Variants in DOCK9 observed in about 807,000 individuals in gnomAD.
DOCK9 encodes dedicator of cytokinesis 9.
In DOCK9, 89 loss-of-function variants were observed where a neutral mutation model predicts 263.3. That is an observed-to-expected ratio of 0.34 (90% confidence interval 0.28 to 0.40). The LOEUF (loss-of-function observed/expected upper bound fraction) is 0.40. Among genes scored for constraint, DOCK9 ranks in the 10% least tolerant of loss-of-function variants. DOCK9 has a pLI of 1.00. For missense variants in DOCK9, 2,140 were observed against 2,603.4 expected, an observed-to-expected ratio of 0.82 and a Z score of 3.87; for synonymous variants, 976 against 973.1, an observed-to-expected ratio of 1.00 and a Z score of -0.06.
chr13:98,803,696 G>T (rs1207127642), intron 49 of DOCK9, among the ~76,000 whole-genome samples: 2 of 151,938 alleles, frequency 1.3e-5, no homozygotes, highest in Non-Finnish European at 2.9e-5. Context: ...GCAGTTATTT[G>T]GCTTAATGAG....
Position 98,796,967 on chromosome 13 carries a change from G to A in DOCK9, c.6156+148C>T, listed in dbSNP as rs113876789. 196 of 812,012 alleles carry A rather than the reference G, an allele frequency of 2.4e-4. No homozygotes were observed. The African/African-American group carries it at 2.8e-3, about 12-fold the overall frequency. 50.3% of individuals were successfully genotyped at this position (812,012 alleles called of 1,614,324 possible). A position where few individuals can be genotyped will look rare whatever the true frequency, so the allele number is the denominator to read the frequency against. On this transcript the variant is annotated intron_variant, in intron 52 of 52. Coordinates refer to ENST00000682017, the MANE Select transcript of DOCK9 (RefSeq NM_001366683.2). ...TGTTAGCTGTTCCCAAATGACCTGG[G>A]GCTAGAGCATGGCAGGAGTGTGGTA...
chr13:98,882,959 G>T, intron 23 of DOCK9, 83 bp downstream of exon 23: 1 of 1,163,292 alleles, frequency 8.6e-7, no homozygotes, highest in Non-Finnish European at 1.2e-6. Context: ...TCCAAGGGGT[G>T]AGAACACCAC....
At chr13:98,848,696 CG>C in intron 36 of DOCK9, 57 bp from the exon 37 acceptor site, 1 of 1,499,786 alleles carries the variant, frequency 6.7e-7, no homozygotes, top group South Asian at 1.2e-5. Context: ...ATTTTCGGGA[CG>C]TTATTTATCT....
At chr13:99,064,164 C>T (rs185874923) in intron 1 of DOCK9, among the ~76,000 whole-genome samples, 1 of 152,340 alleles carries the variant, frequency 6.6e-6, no homozygotes, top group Non-Finnish European at 1.5e-5. Context: ...GTCACTGGAA[C>T]AGAGGCAGTA....
At chr13:98,895,699 C>T (rs2047326921) in intron 15 of DOCK9, among the ~76,000 whole-genome samples, 2 of 151,744 alleles carry the variant, frequency 1.3e-5, no homozygotes, top group South Asian at 2.1e-4. Flanking sequence ...AAGTTCACCA[C>T]GAAGGTTAAA....
chr13:98,918,984 A>T (rs1346432726), intron 7 of DOCK9, among the ~76,000 whole-genome samples: 7 of 152,222 alleles, frequency 4.6e-5, no homozygotes. Context: ...ATGACGTCCA[A>T]AACTGATGAA....
chr13:98,974,748 CAAAAA>C (rs57196019), intron 1 of DOCK9, among the ~76,000 whole-genome samples: 1,229 of 33,128 alleles, frequency 0.037, 10 homozygotes, highest in African/African-American at 0.13. Context: ...AACTCTGTCT[CAAAAA>C]AAAAAAAAAA....
chr13:98,887,143 ATTTTTTTTTTTTTT>A (rs58434344), intron 18 of DOCK9, among the ~76,000 whole-genome samples: 62 of 95,230 alleles, frequency 6.5e-4, no homozygotes, highest in Admixed American at 2.1e-3. Context: ...ATATATATAT[ATTTTTTTTTTTTTT>A]TTTTTTTTTT....
intron 9 of DOCK9, among the ~76,000 whole-genome samples, chr13:98,908,169 C>A (rs903844105): frequency 1.3e-5 from 2 of 151,922 alleles, no homozygotes; most frequent in African/African-American, 4.8e-5. Flanking sequence ...ACACAAATGG[C>A]AAATAAATAT....
chr13:99,038,862 G>A (rs906535143), intron 1 of DOCK9, among the ~76,000 whole-genome samples: 3 of 152,202 alleles, frequency 2.0e-5, no homozygotes, highest in Admixed American at 6.5e-5. Flanking sequence ...ATTCCACTAT[G>A]AGAATTTCTT....
rs117830143 is a variant in DOCK9, at chr13:98,914,025, G to T, written c.960+303C>A. On this transcript the variant is annotated intron_variant, in intron 9 of 52. Transcript: ENST00000682017. ...CATAGAAAGTACGATGCTATTATGAGAACATCTGCCTGCATATTTCAGTTA... is the reference window on the plus strand; with the variant it reads ...CATAGAAAGTACGATGCTATTATGATAACATCTGCCTGCATATTTCAGTTA... 8.5e-3 allele frequency among the ~76,000 whole-genome samples: 1,294 copies of T among 152,200 alleles called. 7 individuals carry two copies. Among genetic ancestry groups the T allele is most frequent in the Middle Eastern group, 0.024 (7 of 294 alleles).
intron 21 of DOCK9, 122 bp downstream of exon 21, chr13:98,884,849 C>T: frequency 8.5e-7 from 1 of 1,183,186 alleles, no homozygotes; most frequent in Non-Finnish European, 1.2e-6. Context: ...AAATGAATAA[C>T]TAATATCAAA....
At chr13:99,015,804 C>A in intron 1 of DOCK9, 1 of 1,284,986 alleles carries the variant, frequency 7.8e-7, no homozygotes, top group Non-Finnish European at 9.8e-7. Context: ...ATCCAGACTC[C>A]GAGTGTAAAA....
intron 1 of DOCK9, among the ~76,000 whole-genome samples, chr13:99,068,427 T>C (rs1248354107): frequency 6.6e-6 from 1 of 151,980 alleles, no homozygotes; most frequent in Non-Finnish European, 1.5e-5. Context: ...CTACTAAAAA[T>C]ACAGAAAATT....
intron 1 of DOCK9, among the ~76,000 whole-genome samples, chr13:99,038,294 T>TCC (rs1566338434): frequency 1.8e-5 from 1 of 56,448 alleles, no homozygotes; most frequent in African/African-American, 6.2e-5. Flanking sequence ...CCCCCTTTTT[T>TCC]TTTTTTTTTT....
intron 1 of DOCK9, among the ~76,000 whole-genome samples, chr13:99,049,487 G>A (rs1436838626): frequency 6.6e-6 from 1 of 152,168 alleles, no homozygotes; most frequent in Non-Finnish European, 1.5e-5. Flanking sequence ...AATCTGGACT[G>A]AGGGAGTGTG....
intron 1 of DOCK9, among the ~76,000 whole-genome samples, chr13:99,027,864 T>A (rs915309396): frequency 2.6e-5 from 4 of 152,124 alleles, no homozygotes; most frequent in African/African-American, 9.7e-5. Context: ...AATTCACCAG[T>A]CTCACTACAT....
rs758099217 is a variant in DOCK9, at chr13:98,800,485, A to T, written c.5726-7T>A. The T allele has an allele frequency of 1.2e-6, 2 of 1,611,504 alleles. No individual in the cohort carries two copies. The highest frequency in any genetic ancestry group is 3.3e-5 in the Admixed American group (2 of 59,950). On this transcript the variant is annotated splice_region_variant and splice_polypyrimidine_tract_variant and intron_variant, in intron 49 of 52. Coordinates refer to ENST00000682017, the MANE Select transcript of DOCK9 (RefSeq NM_001366683.2). ...TAAGGGAAGCAGTGTATGGCTGCAG[A>T]GGGTAAGCCCCAGAATTACTGCATG...
chr13:98,895,146 G>GAAA (rs33985955), intron 15 of DOCK9, among the ~76,000 whole-genome samples: 37 of 130,540 alleles, frequency 2.8e-4, no homozygotes, highest in Non-Finnish European at 4.4e-4. Context: ...CTCCATCTCG[G>GAAA]AAAAAAAAAA....
Sources: allele counts gnomAD v4.1 joint callset (sites outside exome capture counted in the v4.1 genomes callset), GRCh38; gene constraint gnomAD v4.1.1; transcripts MANE v1.5; gene names NCBI Gene and HGNC (gene_info 2026-07-23, HGNC 2026-07-21).